The following ZMIZ1 variants were observed in gnomAD, a reference collection of about 807,000 sequenced individuals.
The protein encoded by ZMIZ1 is zinc finger MIZ-type containing 1.
ZMIZ1 carries 17 observed loss-of-function variants against 113.9 expected under a neutral mutation model. The observed-to-expected ratio is 0.15, with a 90% CI of 0.10 to 0.22. The LOEUF (loss-of-function observed/expected upper bound fraction) is 0.22. Ranked by LOEUF, ZMIZ1 falls within the 10% of genes least tolerant of loss-of-function variation. The probability of loss-of-function intolerance (pLI) is 1.00; values close to 1 mark genes in which losing one functional copy is unlikely to be tolerated. For missense variants in ZMIZ1, 1,059 were observed against 1,477.8 expected (o/e 0.72, Z 4.65); for synonymous variants, 607 against 603.1 (o/e 1.01, Z -0.09).
rs1286667834 is a variant in ZMIZ1 at position 79,228,952 on chromosome 10, A to G, written c.280+12678A>G. On this transcript the variant is annotated intron_variant, in intron 7 of 24. Transcript: ENST00000334512. ...TACCAAGTATGTAGCATAAACTGCCATCTCATGAGGGCTCTGCATGTAATA... is the reference window on the plus strand; with the variant it reads ...TACCAAGTATGTAGCATAAACTGCCGTCTCATGAGGGCTCTGCATGTAATA... Among the ~76,000 whole-genome samples the G allele has an allele frequency of 2.6e-5, 4 of 152,222 alleles. No individual in the cohort carries two copies. In the East Asian group the frequency reaches 7.7e-4, roughly 29 times the overall value.
At chr10:79,283,524 GC>G (rs780697033) in intron 8 of ZMIZ1, among the ~76,000 whole-genome samples, 27 of 152,142 alleles carry the variant, frequency 1.8e-4, no homozygotes, top group Non-Finnish European at 3.7e-4. Context: ...AAAGAAGGGG[GC>G]AATCAAAACC....
At chr10:79,144,204 C>T (rs1267445272) in intron 3 of ZMIZ1, among the ~76,000 whole-genome samples, 6 of 152,178 alleles carry the variant, frequency 3.9e-5, no homozygotes, top group Non-Finnish European at 7.3e-5. Flanking sequence ...TGACATCAGG[C>T]GGGACTGGAC....
At chr10:79,230,069 G>T (rs1033426855) in intron 7 of ZMIZ1, among the ~76,000 whole-genome samples, 2 of 152,162 alleles carry the variant, frequency 1.3e-5, no homozygotes, top group Admixed American at 6.5e-5. Flanking sequence ...CCTGTGTGGG[G>T]ACGCTGCCCT....
chr10:79,284,180 T>A (rs1406531512), intron 8 of ZMIZ1, among the ~76,000 whole-genome samples: 1 of 152,190 alleles, frequency 6.6e-6, no homozygotes, highest in Non-Finnish European at 1.5e-5. Flanking sequence ...TTTCTCACAT[T>A]CAGCAAAACC....
At chr10:79,135,920 G>A (rs917716916) in intron 2 of ZMIZ1, among the ~76,000 whole-genome samples, 4 of 141,984 alleles carry the variant, frequency 2.8e-5, no homozygotes, top group South Asian at 2.6e-4. Flanking sequence ...TGTCTGTGCC[G>A]CCAGAGATCT....
chr10:79,232,341 G>A (rs1326425316), intron 7 of ZMIZ1, among the ~76,000 whole-genome samples: 1 of 152,220 alleles, frequency 6.6e-6, no homozygotes, highest in African/African-American at 2.4e-5. Context: ...TGGCTGGTAT[G>A]GGAAGGAGGA....
intron 1 of ZMIZ1, among the ~76,000 whole-genome samples, chr10:79,111,498 G>A (rs538230466): frequency 6.6e-6 from 1 of 152,324 alleles, no homozygotes; most frequent in African/African-American, 2.4e-5. Context: ...CCTCTCGATG[G>A]CTAGTGGCTG....
intron 11 of ZMIZ1, chr10:79,292,696 A>G: frequency 2.1e-6 from 1 of 483,014 alleles, no homozygotes; most frequent in Non-Finnish European, 4.1e-6. Flanking sequence ...CTCAATGTCT[A>G]AAAATAGTCT....
chr10:79,225,710 TG>T (rs1188839932), intron 7 of ZMIZ1, among the ~76,000 whole-genome samples: 1 of 152,314 alleles, frequency 6.6e-6, no homozygotes, highest in East Asian at 1.9e-4. Flanking sequence ...GAGGTTGCAG[TG>T]GTTCTCCCAC....
At chr10:79,181,608 C>T (rs1847124726) in intron 4 of ZMIZ1, among the ~76,000 whole-genome samples, 2 of 152,328 alleles carry the variant, frequency 1.3e-5, no homozygotes, top group Admixed American at 1.3e-4. Flanking sequence ...CTCCCCAAAC[C>T]CCAAACCGTG....
At chr10:79,192,458 T>G (rs958855567) in intron 4 of ZMIZ1, among the ~76,000 whole-genome samples, 1 of 152,146 alleles carries the variant, frequency 6.6e-6, no homozygotes, top group African/African-American at 2.4e-5. Context: ...AGGATGGGTG[T>G]TGGGAGATTG....
At chr10:79,135,111 C>G (rs1844943881) in intron 2 of ZMIZ1, among the ~76,000 whole-genome samples, 1 of 152,236 alleles carries the variant, frequency 6.6e-6, no homozygotes, top group Admixed American at 6.5e-5. Flanking sequence ...TCCACTGCAC[C>G]TGGTTGATAC....
chr10:79,230,778 G>A (rs1210613669), intron 7 of ZMIZ1, among the ~76,000 whole-genome samples: 1 of 152,232 alleles, frequency 6.6e-6, no homozygotes, highest in Non-Finnish European at 1.5e-5. Context: ...TGTGCAGGTG[G>A]CCCAGTGGTC....
chr10:79,095,981 C>T (rs1262990050), intron 1 of ZMIZ1, among the ~76,000 whole-genome samples: 2 of 152,306 alleles, frequency 1.3e-5, no homozygotes, highest in Middle Eastern at 3.4e-3. Flanking sequence ...CAGGCCTCTC[C>T]CCTCTGTTTT....
At chr10:79,101,881 G>A (rs1320536620) in intron 1 of ZMIZ1, among the ~76,000 whole-genome samples, 1 of 152,192 alleles carries the variant, frequency 6.6e-6, no homozygotes, top group Non-Finnish European at 1.5e-5. Context: ...AGGAGCAGCT[G>A]TCAATTACCA....
Position 79,298,651 on chromosome 10 carries a change from C to A in ZMIZ1, c.1666+71C>A, listed in dbSNP as rs1255179864. 2.9e-6 allele frequency: 4 copies of A among 1,401,686 alleles called. No homozygotes were observed. In the East Asian group the frequency reaches 7.5e-5, roughly 26 times the overall value. 86.8% of individuals were successfully genotyped at this position (1,401,686 alleles called of 1,614,324 possible). On this transcript the variant is annotated intron_variant, in intron 15 of 24. Coordinates refer to ENST00000334512, the MANE Select transcript of ZMIZ1 (RefSeq NM_020338.4). ...CAGTGGGCCGGGAGCAGGGGCTTCG[C>A]AGTCAGGCTGCCTGGGGAGTGGGCA...
intron 7 of ZMIZ1, among the ~76,000 whole-genome samples, chr10:79,237,298 A>G (rs902330226): frequency 6.6e-6 from 1 of 152,226 alleles, no homozygotes; most frequent in Non-Finnish European, 1.5e-5. Flanking sequence ...TTTTACACCA[A>G]CGGGGCCAGA....
intron 22 of ZMIZ1, 48 bp from the exon 23 acceptor site, chr10:79,307,357 C>CTA (rs1854779073): frequency 6.3e-7 from 1 of 1,577,684 alleles, no homozygotes; most frequent in Admixed American, 1.7e-5. Flanking sequence ...GGGGTGGCCA[C>CTA]TATCCCTCTG....
intron 7 of ZMIZ1, among the ~76,000 whole-genome samples, chr10:79,230,906 A>G (rs1229530764): frequency 3.9e-5 from 6 of 152,202 alleles, no homozygotes; most frequent in Admixed American, 3.9e-4. Context: ...CCCTCTAAAG[A>G]AGGAGGGCAC....
Sources: gnomAD v4.1 joint callset for allele counts (sites outside exome capture counted in the v4.1 genomes callset) on GRCh38, gnomAD v4.1.1 for gene constraint, MANE v1.5 for transcripts, NCBI Gene and HGNC (gene_info 2026-07-23, HGNC 2026-07-21) for gene names.